Variants in CRTAC1 observed in about 807,000 individuals in gnomAD.
CRTAC1 encodes acidic secreted protein in cartilage.
CRTAC1 carries 37 observed loss-of-function variants against 67.8 expected under a neutral mutation model. That is an observed-to-expected ratio of 0.55 (90% CI 0.42 to 0.72). The LOEUF is 0.72. Ranked by LOEUF, CRTAC1 falls within the 30% of genes least tolerant of loss-of-function variation. The pLI is 0.00. For synonymous variants in CRTAC1, 348 were observed against 371.0 expected (o/e 0.94, Z 0.71); for missense variants, 780 against 931.6 (o/e 0.84, Z 2.12).
chr10:98,008,731 A>G (rs1842847942), intron 2 of CRTAC1, among the ~76,000 whole-genome samples: 1 of 152,138 alleles, frequency 6.6e-6, no homozygotes, highest in Non-Finnish European at 1.5e-5. Flanking sequence ...CATTAACCTG[A>G]GGGAATACGA....
chr10:97,909,462 C>T (rs947363356), intron 5 of CRTAC1, among the ~76,000 whole-genome samples: 6 of 152,182 alleles, frequency 3.9e-5, no homozygotes, highest in East Asian at 3.9e-4. Context: ...GGGGAGAGTC[C>T]GACCTGCTTT....
At chr10:97,977,347 G>C (rs568383115) in intron 2 of CRTAC1, among the ~76,000 whole-genome samples, 7 of 152,206 alleles carry the variant, frequency 4.6e-5, no homozygotes, top group African/African-American at 1.7e-4. Context: ...TGTCTGGCAC[G>C]TGAGCAAGAA....
chr10:97,913,095 C>T (rs569450242), intron 5 of CRTAC1, among the ~76,000 whole-genome samples: 1 of 151,536 alleles, frequency 6.6e-6, no homozygotes, highest in East Asian at 1.9e-4. Flanking sequence ...ATGCTGGAAA[C>T]GTGGTGCAGG....
In CRTAC1 at chr10:97,895,249, G is replaced by A; in HGVS notation, c.1482C>T (p.Gly494=). 6.2e-7 allele frequency: 1 copy of A among 1,610,516 alleles called. No homozygotes were observed. The highest frequency in any genetic ancestry group is 8.5e-7 in the Non-Finnish European group (1 of 1,179,948). ...LCEMEPVAHF[G]LGKDEASSVE... is the part of the protein sequence containing the mutation. ...CCCCACCGGACCCCGACTCACCCAG[G>A]CCAAAGTGTGCCACGGGCTCCATCT... Residue 494 remains glycine, a synonymous_variant, in exon 11 of 15, where the codon GGC becomes GGT. Transcript: ENST00000370597. This position sits in a 1 kb window ranked among gnomAD's most constrained non-coding sequence, Gnocchi z 4.2.
intron 5 of CRTAC1, among the ~76,000 whole-genome samples, chr10:97,910,036 T>C (rs113003964): frequency 5.3e-5 from 8 of 152,194 alleles, no homozygotes; most frequent in African/African-American, 1.9e-4. Context: ...TAGAATAGTG[T>C]TTACTAGGGG....
At chr10:98,018,741 C>T (rs188513179) in intron 1 of CRTAC1, among the ~76,000 whole-genome samples, 8 of 152,226 alleles carry the variant, frequency 5.3e-5, no homozygotes, top group Non-Finnish European at 1.0e-4. Context: ...CCGACGTTGG[C>T]GACAAGCAGA....
intron 1 of CRTAC1, among the ~76,000 whole-genome samples, chr10:98,020,329 G>A (rs1488650557): frequency 1.3e-5 from 2 of 151,464 alleles, no homozygotes; most frequent in Non-Finnish European, 2.9e-5. Context: ...CACTGACCAT[G>A]TGCCAGGCAT....
intron 2 of CRTAC1, among the ~76,000 whole-genome samples, chr10:97,958,850 T>C (rs1483664809): frequency 1.3e-5 from 2 of 152,156 alleles, no homozygotes; most frequent in African/African-American, 2.4e-5. Flanking sequence ...CTAATGGGGA[T>C]AAATTTCACG....
chr10:97,945,785 A>C (rs947888681), intron 2 of CRTAC1, among the ~76,000 whole-genome samples: 1 of 152,048 alleles, frequency 6.6e-6, no homozygotes, highest in Admixed American at 6.6e-5. Flanking sequence ...AAAGAGAAAA[A>C]CCTTTTGTCC....
At chr10:97,906,793 T>C (rs2050618398) in intron 6 of CRTAC1, among the ~76,000 whole-genome samples, 1 of 152,032 alleles carries the variant, frequency 6.6e-6, no homozygotes, top group Admixed American at 6.5e-5. Context: ...GGCCAGTAAG[T>C]CCCCACAGTG....
intron 2 of CRTAC1, among the ~76,000 whole-genome samples, chr10:98,004,826 T>C (rs907605351): frequency 9.2e-5 from 14 of 151,910 alleles, no homozygotes; most frequent in African/African-American, 3.1e-4. Context: ...ATAATATATA[T>C]ACACAATAGA....
intron 2 of CRTAC1, among the ~76,000 whole-genome samples, chr10:97,952,580 C>T (rs890675082): frequency 1.4e-5 from 2 of 146,970 alleles, no homozygotes; most frequent in Non-Finnish European, 3.0e-5. Context: ...AATTCTAGAG[C>T]ACTACCCAGA....
At chr10:97,969,528 G>A (rs1200165323) in intron 2 of CRTAC1, among the ~76,000 whole-genome samples, 1 of 152,098 alleles carries the variant, frequency 6.6e-6, no homozygotes, top group Admixed American at 6.6e-5. Flanking sequence ...TGTTGATGAT[G>A]ACTCTTGAGA....
chr10:98,017,639 T>C (rs1049249223), intron 1 of CRTAC1, among the ~76,000 whole-genome samples: 2 of 151,952 alleles, frequency 1.3e-5, no homozygotes, highest in African/African-American at 2.4e-5. Flanking sequence ...GCTCAAGCAA[T>C]TGTCTCACCT....
At chr10:97,897,019 G>A in intron 8 of CRTAC1, 28 bp from the exon 9 acceptor site, 1 of 1,527,330 alleles carries the variant, frequency 6.5e-7, no homozygotes, top group Non-Finnish European at 8.9e-7. Flanking sequence ...GGCTTGCTCT[G>A]GTGGGGTCTC....
rs66795716 is a variant in CRTAC1, at chr10:97,894,711, C to CATATATATAT, written c.1486+524_1486+533dup. Among the ~76,000 whole-genome samples, 105 of 59,942 alleles carry CATATATATAT rather than the reference C, an allele frequency of 1.8e-3. 7 individuals carry two copies. The highest frequency in any genetic ancestry group is 2.2e-3 in the Non-Finnish European group (68 of 30,308). 39.3% of individuals were successfully genotyped at this position (59,942 alleles called of 152,430 possible). On this transcript the variant is annotated intron_variant, in intron 11 of 14. Coordinates refer to ENST00000370597, the MANE Select transcript of CRTAC1 (RefSeq NM_018058.7). The stretch of plus-strand genomic sequence containing the variant: ...CTGTGCCCAGCCCCTGATGCTTTTA[C>CATATATATAT]ATATATATATATATATATATATATA...
In CRTAC1 at chr10:97,971,185, C is replaced by A. The variant is rs144499300; in HGVS notation, c.225-34819G>T. ...TTCACGATATATATTAAAAGTCTAA[C>A]ATATTTTTCATACCTTTTGATTGAT... On this transcript the variant is annotated intron_variant, in intron 2 of 14. Coordinates refer to ENST00000370597, the MANE Select transcript of CRTAC1 (RefSeq NM_018058.7). 1.9e-3 allele frequency among the ~76,000 whole-genome samples: 296 copies of A among 152,312 alleles called. 1 individual carries two copies. Among genetic ancestry groups the A allele is most frequent in the African/African-American group, 6.8e-3 (281 of 41,562 alleles).
chr10:97,949,922 T>C (rs748368738), intron 2 of CRTAC1, among the ~76,000 whole-genome samples: 2 of 152,208 alleles, frequency 1.3e-5, no homozygotes, highest in Admixed American at 6.5e-5. Flanking sequence ...CTGGTTAATA[T>C]GTCTGTCTTT....
At chr10:97,899,651 A>AG (rs1352645923) in intron 8 of CRTAC1, among the ~76,000 whole-genome samples, 1 of 152,250 alleles carries the variant, frequency 6.6e-6, no homozygotes, top group Non-Finnish European at 1.5e-5. Context: ...TAGCGCCTTC[A>AG]GGGGGTGATT....
Sources: allele counts gnomAD v4.1 joint callset (sites outside exome capture counted in the v4.1 genomes callset), GRCh38; gene constraint gnomAD v4.1.1; non-coding constraint Gnocchi (gnomAD v3.1); transcripts MANE v1.5; gene names NCBI Gene and HGNC (gene_info 2026-07-23, HGNC 2026-07-21).